PGAP4: variants seen among roughly 807,000 people sequenced by gnomAD.
The protein encoded by PGAP4 is post-GPI attachment to proteins GalNAc transferase 4.
PGAP4 carries 12 observed loss-of-function variants against 28.2 expected under a neutral mutation model. The ratio of observed to expected loss-of-function variants is 0.42; its 90% CI spans 0.27 to 0.69. The LOEUF (loss-of-function observed/expected upper bound fraction) is 0.69, where lower values mean the gene tolerates loss of function less well. Among genes scored for constraint, PGAP4 ranks in the 30% least tolerant of loss-of-function variants. PGAP4 has a pLI of 0.22. For missense variants in PGAP4, 425 were observed against 513.5 expected, an observed-to-expected ratio of 0.83 and a Z score of 1.67; for synonymous variants, 205 against 211.8, an observed-to-expected ratio of 0.97 and a Z score of 0.28.
chr9:101,491,166 A>G (rs138685302), upstream of PGAP4, among the ~76,000 whole-genome samples: 37 of 152,336 alleles, frequency 2.4e-4, no homozygotes, highest in East Asian at 7.1e-3. Flanking sequence ...TATGTGGTAG[A>G]GCAAGGCAAT....
upstream of PGAP4, chr9:101,487,296 G>A (rs1320204784): frequency 6.6e-6 from 1 of 152,266 alleles, no homozygotes; most frequent in Non-Finnish European, 1.5e-5. Flanking sequence ...CTTTTGTGAG[G>A]GGACTAGAAG....
chr9:101,475,660 G>C lies in PGAP4; in HGVS notation c.*221C>G. The C allele has an allele frequency of 1.7e-6, 1 of 581,078 alleles. No individual in the cohort carries two copies. Among genetic ancestry groups the C allele is most frequent in the Non-Finnish European group, 3.0e-6 (1 of 327,874 alleles). 36.0% of individuals were successfully genotyped at this position (581,078 alleles called of 1,614,324 possible). Reference sequence around the variant, plus strand: ...TCAGACTGCATGAGGCAGTGTGGCTGTGTGGAGGGAGAGGTCCGGACCTGT... The same window carrying C: ...TCAGACTGCATGAGGCAGTGTGGCTCTGTGGAGGGAGAGGTCCGGACCTGT... On this transcript the variant is annotated 3_prime_UTR_variant, in exon 2 of 2. Coordinates refer to ENST00000374848, the MANE Select transcript of PGAP4 (RefSeq NM_032342.3).
chr9:101,484,813 G>C (rs1826575673), intron 1 of PGAP4, among the ~76,000 whole-genome samples: 1 of 152,152 alleles, frequency 6.6e-6, no homozygotes, highest in Non-Finnish European at 1.5e-5. Context: ...GACCAGAAGG[G>C]AGAAATGCAA....
At chr9:101,493,140 G>C (rs1826706378) in intron 2 of PGAP4, among the ~76,000 whole-genome samples, 1 of 151,748 alleles carries the variant, frequency 6.6e-6, no homozygotes, top group Non-Finnish European at 1.5e-5. Flanking sequence ...CGTAGTCCCA[G>C]CTACTCGGGA....
rs1826270966 is a variant in PGAP4 at position 101,475,472 on chromosome 9, A to G, written c.*409T>C. ...TTCATACCCAATGAGAAAGAACTCAATTCCAAAGGATCTCACCTTTCACAA... is the reference window on the plus strand; with the variant it reads ...TTCATACCCAATGAGAAAGAACTCAGTTCCAAAGGATCTCACCTTTCACAA... On this transcript the variant is annotated 3_prime_UTR_variant, in exon 2 of 2. Coordinates refer to ENST00000374848, the MANE Select transcript of PGAP4 (RefSeq NM_032342.3). 1 of 198,710 alleles carries G rather than the reference A, an allele frequency of 5.0e-6. No individual in the cohort carries two copies. Among genetic ancestry groups the G allele is most frequent in the Non-Finnish European group, 1.0e-5 (1 of 96,062 alleles). 12.3% of individuals were successfully genotyped at this position (198,710 alleles called of 1,614,324 possible).
chr9:101,506,310 C>T (rs1826848441), intron 2 of PGAP4, among the ~76,000 whole-genome samples: 1 of 152,116 alleles, frequency 6.6e-6, no homozygotes, highest in Non-Finnish European at 1.5e-5. Flanking sequence ...TTTTACTTTA[C>T]ACCCCACTTT....
rs1827068413 is a variant in PGAP4 at position 101,529,560 on chromosome 9, C to CTAACTTG, written c.-165+1787_-165+1788insCAAGTTA. 3.3e-5 allele frequency among the ~76,000 whole-genome samples: 5 copies of CTAACTTG among 152,330 alleles called. No individual in the cohort carries two copies. In the South Asian group the frequency reaches 1.0e-3, roughly 32 times the overall value. ...CCATAGACTGTTAGGACACCTTGTC[C>CTAACTTG]TCACTCTTTAAAAAAGGCAGACCTG... On this transcript the variant is annotated intron_variant, in intron 2 of 3. Coordinates refer to the PGAP4 transcript ENST00000374851.
At position 101,497,894 on chromosome 9, in the gene PGAP4, T is replaced by A. The variant is rs184329938; in HGVS notation, c.-164-8694A>T. Among the ~76,000 whole-genome samples the A allele has an allele frequency of 2.8e-4, 42 of 151,768 alleles. 1 individual carries two copies. Among genetic ancestry groups the A allele is most frequent in the African/African-American group, 8.9e-4 (37 of 41,380 alleles). On this transcript the variant is annotated intron_variant, in intron 2 of 3. Transcript: ENST00000374851. The stretch of plus-strand genomic sequence containing the variant: ...ATATGTATAAATTTATTTAAACACA[T>A]ACATACACAAACAAAGAGCTTATAG...
At chr9:101,507,936 C>G (rs1178889280) in intron 2 of PGAP4, among the ~76,000 whole-genome samples, 1 of 150,606 alleles carries the variant, frequency 6.6e-6, no homozygotes. Flanking sequence ...GAGAGCAGAC[C>G]AATCTCTTAT....
intron 2 of PGAP4, among the ~76,000 whole-genome samples, chr9:101,523,617 A>ATTTTTTTTTTTT (rs1827006877): frequency 5.4e-5 from 1 of 18,358 alleles, no homozygotes; most frequent in Admixed American, 6.8e-4. Context: ...CACTTCTTGT[A>ATTTTTTTTTTTT]TCTTTTTTTT....
At chr9:101,522,051 T>C (rs1451118655) in intron 2 of PGAP4, among the ~76,000 whole-genome samples, 1 of 152,210 alleles carries the variant, frequency 6.6e-6, no homozygotes, top group Non-Finnish European at 1.5e-5. Flanking sequence ...CGATGTTCAG[T>C]TTTATTCCAC....
chr9:101,506,409 A>G (rs993416069), intron 2 of PGAP4, among the ~76,000 whole-genome samples: 1 of 152,104 alleles, frequency 6.6e-6, no homozygotes, highest in African/African-American at 2.4e-5. Flanking sequence ...TTCTCAACCT[A>G]TACAAGTGAC....
At position 101,476,402 on chromosome 9, in the gene PGAP4, G is replaced by A. The variant is rs944563172; in HGVS notation, c.691C>T (p.Arg231Cys). The change falls in exon 2 of 2, where the codon CGC becomes TGC. Residue 231 changes from arginine to cysteine, a missense_variant. Arg to Cys is a radical substitution (Grantham distance 180). Transcript: ENST00000374848. This position sits in a 1 kb window ranked among gnomAD's most constrained non-coding sequence, Gnocchi z 7.0. ...TCTCTGAGATGTGGCTCAGAGAAGC[G>A]AGCCCGCAGAAGGTGCTCCAAGACT... ...FPVLEHLLRARFSEPHLRDAL... is the reference protein window; with the variant it reads ...FPVLEHLLRACFSEPHLRDAL... The A allele has an allele frequency of 5.0e-6, 8 of 1,613,966 alleles. No homozygotes were observed. The highest frequency in any genetic ancestry group is 2.2e-5 in the East Asian group (1 of 44,864).
At chr9:101,496,770 G>T (rs948644406) in intron 2 of PGAP4, among the ~76,000 whole-genome samples, 1 of 150,356 alleles carries the variant, frequency 6.7e-6, no homozygotes, top group Non-Finnish European at 1.5e-5. Context: ...CAAAGTTATT[G>T]CTTTAGCTGT....
intron 2 of PGAP4, among the ~76,000 whole-genome samples, chr9:101,523,487 A>G (rs1186114513): frequency 6.7e-6 from 1 of 150,250 alleles, no homozygotes; most frequent in African/African-American, 2.4e-5. Context: ...TACTTGGTTC[A>G]ATTCTATTGT....
intron 2 of PGAP4, among the ~76,000 whole-genome samples, chr9:101,499,697 T>G (rs984438523): frequency 2.0e-5 from 3 of 152,068 alleles, no homozygotes; most frequent in African/African-American, 4.8e-5. Flanking sequence ...TGTAGTCTTT[T>G]GTGTTATCAG....
At chr9:101,481,350 T>A (rs1826483321) in intron 1 of PGAP4, 1 of 152,308 alleles carries the variant, frequency 6.6e-6, no homozygotes, top group Non-Finnish European at 1.5e-5. Flanking sequence ...CCACTCTGAT[T>A]GTCTTTTTCC....
rs1303059254 is a variant in PGAP4, at chr9:101,502,257, A to G, written c.-164-13057T>C. On this transcript the variant is annotated intron_variant, in intron 2 of 3. Coordinates refer to the PGAP4 transcript ENST00000374851. ...GGTAGAAAAGGGAAGTGCGATCTGAAGTGTTATCCCAGTTTCATGTTTGAA... is the reference window on the plus strand; with the variant it reads ...GGTAGAAAAGGGAAGTGCGATCTGAGGTGTTATCCCAGTTTCATGTTTGAA... Among the ~76,000 whole-genome samples, 5 of 152,050 alleles carry G rather than the reference A, an allele frequency of 3.3e-5. No homozygotes were observed. In the East Asian group the frequency reaches 9.7e-4, roughly 29 times the overall value.
At chr9:101,490,789 T>A (rs1247099328), upstream of PGAP4, among the ~76,000 whole-genome samples, 2 of 152,180 alleles carry the variant, frequency 1.3e-5, no homozygotes, top group East Asian at 3.9e-4. Flanking sequence ...ATATGAGAGT[T>A]TCCAAACCTG....
Sources: gnomAD v4.1 joint callset for allele counts (sites outside exome capture counted in the v4.1 genomes callset) on GRCh38, gnomAD v4.1.1 for gene constraint, Gnocchi (gnomAD v3.1) non-coding constraint, MANE v1.5 for transcripts, NCBI Gene and HGNC (gene_info 2026-07-23, HGNC 2026-07-21) for gene names.